Variants in MBNL1 observed in about 807,000 individuals in gnomAD.
MBNL1 encodes muscleblind like splicing regulator 1, also known as muscleblind-like protein 1.
A neutral mutation model predicts 42.2 loss-of-function variants in MBNL1; 8 were observed. The ratio of observed to expected loss-of-function variants is 0.19; its 90% confidence interval spans 0.11 to 0.34. The LOEUF is 0.34. Among genes scored for constraint, MBNL1 ranks in the 10% least tolerant of loss-of-function variants. MBNL1 has a pLI of 1.00. For synonymous variants in MBNL1, 169 were observed against 173.9 expected (o/e 0.97, Z 0.22); for missense variants, 309 against 495.3 (o/e 0.62, Z 3.57).
At chr3:152,343,982 A>C (rs1377357379) in intron 2 of MBNL1, among the ~76,000 whole-genome samples, 1 of 152,120 alleles carries the variant, frequency 6.6e-6, no homozygotes, top group African/African-American at 2.4e-5. Context: ...TAATATTATA[A>C]AATTGTAATT....
chr3:152,342,355 A>G (rs2093429262), intron 2 of MBNL1, among the ~76,000 whole-genome samples: 1 of 152,136 alleles, frequency 6.6e-6, no homozygotes. Context: ...TATGAATAAT[A>G]TTGTCTCCTT....
At chr3:152,319,086 CA>C (rs1319707572) in intron 2 of MBNL1, among the ~76,000 whole-genome samples, 1 of 152,098 alleles carries the variant, frequency 6.6e-6, no homozygotes, top group African/African-American at 2.4e-5. Context: ...AGTGAGTAGT[CA>C]AGTCTTCATA....
intron 2 of MBNL1, among the ~76,000 whole-genome samples, chr3:152,400,821 G>A (rs2098183268): frequency 6.6e-6 from 1 of 152,182 alleles, no homozygotes; most frequent in African/African-American, 2.4e-5. Context: ...TTAACTAACA[G>A]TCAGATAACA....
chr3:152,298,129 A>G lies in MBNL1; in HGVS notation c.-789-1276A>G, dbSNP rs371619158. On this transcript the variant is annotated intron_variant, in intron 1 of 9. Coordinates refer to ENST00000324210, the MANE Select transcript of MBNL1 (RefSeq NM_021038.5). ...CGTATGTATTTATATCCTATACTCT[A>G]GTTTCCAAAAATTATAAATATACCA... 3.9e-4 allele frequency among the ~76,000 whole-genome samples: 59 copies of G among 152,314 alleles called. No individual in the cohort carries two copies. In the South Asian group the frequency reaches 0.012, roughly 32 times the overall value.
intron 4 of MBNL1, among the ~76,000 whole-genome samples, chr3:152,433,745 G>A (rs1192142161): frequency 1.1e-4 from 13 of 118,884 alleles, no homozygotes; most frequent in South Asian, 5.7e-4. Context: ...GCGAGACTCC[G>A]TCTCAAAAAA....
In MBNL1 at chr3:152,432,794, T is replaced by G; in HGVS notation, c.423T>G (p.Ser141=). The part of the protein sequence containing the change: ...AAFNPYLGPV[S]PSLVPAEILP... ...TTAATCCCTATCTGGGACCTGTTTC[T>G]CCAAGCCTGGTCCCGGCAGAGATCT... Residue 141 remains serine (S), a synonymous_variant, in exon 4 of 10, where the codon TCT becomes TCG. Transcript: ENST00000324210. 1 of 1,614,170 alleles carries G rather than the reference T, an allele frequency of 6.2e-7. No individual in the cohort carries two copies. Among genetic ancestry groups the G allele is most frequent in the Non-Finnish European group, 8.5e-7 (1 of 1,180,030 alleles).
intron 3 of MBNL1, among the ~76,000 whole-genome samples, chr3:152,419,647 G>A (rs957242203): frequency 2.6e-5 from 4 of 152,112 alleles, no homozygotes; most frequent in African/African-American, 9.7e-5. Flanking sequence ...AAAACTGGGC[G>A]GCTATTTGGG....
At chr3:152,316,853 CCTTCTTTTT>C (rs1419224596) in intron 2 of MBNL1, among the ~76,000 whole-genome samples, 1 of 152,016 alleles carries the variant, frequency 6.6e-6, no homozygotes, top group Non-Finnish European at 1.5e-5. Context: ...TCCTCCTCTT[CCTTCTTTTT>C]CTTCTTTTAT....
rs370601132 is a variant in MBNL1, at chr3:152,349,405, ATATCT to A, written c.174+49042_174+49046del. ...TTTAGTGAATAGAACAGTTGGAAAC[ATATCT>A]TATTTTTAAAAGAATAGCTGAATGT... is the stretch of plus-strand genomic sequence containing the variant. On this transcript the variant is annotated intron_variant, in intron 2 of 9. Transcript: ENST00000324210. Among the ~76,000 whole-genome samples the A allele has an allele frequency of 9.9e-3, 1,508 of 152,246 alleles. 10 individuals carry two copies. The highest frequency in any genetic ancestry group is 0.027 in the South Asian group (132 of 4,832).
intron 2 of MBNL1, among the ~76,000 whole-genome samples, chr3:152,311,965 C>T (rs1002657909): frequency 3.3e-5 from 5 of 151,318 alleles, no homozygotes; most frequent in East Asian, 1.9e-4. Flanking sequence ...CCGAGGCGGG[C>T]GGATCACGAG....
At chr3:152,458,956 C>CGTGT (rs748781429) in intron 8 of MBNL1, 13 of 194,490 alleles carry the variant, frequency 6.7e-5, no homozygotes, top group East Asian at 2.3e-4. Flanking sequence ...CACGGGGGTG[C>CGTGT]GTGTGTGTGT....
chr3:152,305,512 G>A (rs1049496000), intron 2 of MBNL1, among the ~76,000 whole-genome samples: 1 of 149,572 alleles, frequency 6.7e-6, no homozygotes, highest in Non-Finnish European at 1.5e-5. Context: ...TTTAAACTTA[G>A]CAGTACTACA....
intron 2 of MBNL1, among the ~76,000 whole-genome samples, chr3:152,390,259 A>AT (rs567892426): frequency 0.041 from 6,043 of 145,868 alleles, 469 homozygotes; most frequent in East Asian, 0.32. Context: ...GCTTTTCTCT[A>AT]TTTTTTTTTT....
chr3:152,303,099 A>G (rs1289371242), intron 2 of MBNL1, among the ~76,000 whole-genome samples: 1 of 152,116 alleles, frequency 6.6e-6, no homozygotes, highest in African/African-American at 2.4e-5. Flanking sequence ...ATGTTACTAA[A>G]GATAATAGGA....
At chr3:152,446,052 A>G (rs1392986354) in intron 5 of MBNL1, among the ~76,000 whole-genome samples, 1 of 152,184 alleles carries the variant, frequency 6.6e-6, no homozygotes, top group Non-Finnish European at 1.5e-5. Flanking sequence ...GTCTGAAATA[A>G]TATTGTGGCA....
At chr3:152,325,776 C>T (rs1216148678) in intron 2 of MBNL1, among the ~76,000 whole-genome samples, 1 of 140,256 alleles carries the variant, frequency 7.1e-6, no homozygotes, top group East Asian at 2.2e-4. Flanking sequence ...AATTGCTCTT[C>T]CAGATATGAA....
intron 3 of MBNL1, among the ~76,000 whole-genome samples, chr3:152,425,361 C>T (rs561868285): frequency 8.6e-5 from 13 of 152,000 alleles, no homozygotes; most frequent in Admixed American, 6.6e-4. Context: ...TGGTGGCTCA[C>T]GCCTGTAATC....
chr3:152,407,254 G>T (rs138360818), intron 2 of MBNL1, among the ~76,000 whole-genome samples: 429 of 113,758 alleles, frequency 3.8e-3, no homozygotes, highest in African/African-American at 0.014. Context: ...TCACTGGTAC[G>T]AAAAAAATCT....
Position 152,420,609 on chromosome 3 carries a change from G to A in MBNL1, c.345+5498G>A, listed in dbSNP as rs564945607. On this transcript the variant is annotated intron_variant, in intron 3 of 9. Transcript: ENST00000324210. ...AGGACGCCCATGCAAAAACCCTATC[G>A]AAGGTCACCAACATCAAAGACCAAA... Among the ~76,000 whole-genome samples the A allele has an allele frequency of 2.6e-5, 4 of 152,244 alleles. No individual in the cohort carries two copies. The East Asian group carries it at 5.8e-4, about 22-fold the overall frequency.
Sources: gnomAD v4.1 joint callset for allele counts (sites outside exome capture counted in the v4.1 genomes callset) on GRCh38, gnomAD v4.1.1 for gene constraint, MANE v1.5 for transcripts, NCBI Gene and HGNC (gene_info 2026-07-23, HGNC 2026-07-21) for gene names.